The following PSPC1 variants were observed in gnomAD, a reference collection of about 807,000 sequenced individuals.
PSPC1 encodes the protein paraspeckle component 1, also known as paraspeckle protein 1.
PSPC1 carries 14 observed loss-of-function variants against 51.6 expected under a neutral mutation model. The observed-to-expected ratio is 0.27, with a 90% CI of 0.18 to 0.42. The LOEUF is 0.42. Ranked by LOEUF, PSPC1 falls within the 10% of genes least tolerant of loss-of-function variation. The pLI, the probability that PSPC1 is intolerant of heterozygous loss-of-function variation, is 1.00. For missense variants in PSPC1, 406 were observed against 701.1 expected (o/e 0.58, Z 4.75); for synonymous variants, 193 against 231.9 (o/e 0.83, Z 1.53).
chr13:19,756,004 A>C (rs1441389746), intron 3 of PSPC1, among the ~76,000 whole-genome samples: 1 of 152,132 alleles, frequency 6.6e-6, no homozygotes, highest in Admixed American at 6.6e-5. Flanking sequence ...TGGGAGGCCA[A>C]GGTGGGTGGA....
At chr13:19,755,494 A>C (rs1886979376) in intron 3 of PSPC1, among the ~76,000 whole-genome samples, 1 of 151,846 alleles carries the variant, frequency 6.6e-6, no homozygotes, top group South Asian at 2.1e-4. Flanking sequence ...AGGCTGAGGC[A>C]GGAGAATCAC....
chr13:19,681,818 C>T (rs1190806156), intron 6 of PSPC1, among the ~76,000 whole-genome samples: 1 of 152,186 alleles, frequency 6.6e-6, no homozygotes, highest in Non-Finnish European at 1.5e-5. Context: ...GACCACAACA[C>T]TGGCTGCTAC....
At chr13:19,705,479 G>A (rs539801044) in intron 8 of PSPC1, among the ~76,000 whole-genome samples, 183 bp downstream of exon 8, 11 of 150,128 alleles carry the variant, frequency 7.3e-5, no homozygotes, top group South Asian at 4.2e-4. Context: ...GCAATAGTGC[G>A]AGACTCTCTG....
chr13:19,760,815 C>T (rs1330725875), intron 2 of PSPC1, among the ~76,000 whole-genome samples: 3 of 151,720 alleles, frequency 2.0e-5, no homozygotes, highest in Non-Finnish European at 4.4e-5. Context: ...GGTGAAACCT[C>T]GTCTCTACTA....
At chr13:19,749,536 A>T (rs1023472974) in intron 4 of PSPC1, among the ~76,000 whole-genome samples, 5 of 151,966 alleles carry the variant, frequency 3.3e-5, no homozygotes, top group African/African-American at 1.2e-4. Context: ...CAAAAAAAAA[A>T]AAAAAAATCT....
Position 19,690,059 on chromosome 13 carries a change from G to A in PSPC1, c.1159-12236C>T, listed in dbSNP as rs190707669. 2.6e-5 allele frequency among the ~76,000 whole-genome samples: 4 copies of A among 152,268 alleles called. No homozygotes were observed. In the East Asian group the frequency reaches 7.7e-4, roughly 29 times the overall value. On this transcript the variant is annotated intron_variant and NMD_transcript_variant, in intron 6 of 7. Transcript: ENST00000471658. ...AGGGACTCTTAACATGAAAGACCAA[G>A]TCTCAAACTATTAATTACATGCTTT...
At chr13:19,750,455 C>A (rs1259855956) in intron 4 of PSPC1, among the ~76,000 whole-genome samples, 1 of 61,658 alleles carries the variant, frequency 1.6e-5, no homozygotes, top group African/African-American at 3.3e-5. Context: ...AACAAACAAA[C>A]AAAAATATAT....
Position 19,782,699 on chromosome 13 carries a change from C to A in PSPC1, c.59G>T (p.Arg20Leu), listed in dbSNP as rs1413608294. Residue 20 changes from arginine (R) to leucine (L), a missense_variant, in exon 1 of 9, where the codon CGC becomes CTC. Around this residue, in one of 5 missense-constraint regions of PSPC1, gnomAD observed 128 missense variants for 107.1 expected, o/e 1.20. Coordinates refer to ENST00000338910, the MANE Select transcript of PSPC1 (RefSeq NM_001354909.2). The surrounding 1 kb of genome is among the most constrained non-coding windows in gnomAD (Gnocchi z 4.5). ...VRIEKNPARL[R>L]ALESAVGESE... is the part of the protein sequence containing the mutation. Reference sequence around the variant, plus strand: ...CTCGCCCACCGCGGACTCCAGGGCGCGAAGGCGGGCCGGGTTTTTCTCAAT... The same window carrying A: ...CTCGCCCACCGCGGACTCCAGGGCGAGAAGGCGGGCCGGGTTTTTCTCAAT... The A allele has an allele frequency of 6.4e-7, 1 of 1,571,778 alleles. No individual in the cohort carries two copies. The highest frequency in any genetic ancestry group is 1.9e-5 in the Admixed American group (1 of 52,880).
At chr13:19,776,744 T>C (rs910117351) in intron 1 of PSPC1, among the ~76,000 whole-genome samples, 2 of 151,710 alleles carry the variant, frequency 1.3e-5, no homozygotes, top group Non-Finnish European at 2.9e-5. Flanking sequence ...CCTGACCTCA[T>C]GATACGCCTG....
intron 6 of PSPC1, among the ~76,000 whole-genome samples, chr13:19,684,346 T>G (rs534349874): frequency 6.6e-6 from 1 of 152,338 alleles, no homozygotes; most frequent in African/African-American, 2.4e-5. Flanking sequence ...GTTCAAGAAA[T>G]TATTATGAAC....
At chr13:19,759,538 A>G (rs1887417041) in intron 2 of PSPC1, 120 bp from the exon 3 acceptor site, 1 of 722,436 alleles carries the variant, frequency 1.4e-6, no homozygotes, top group Non-Finnish European at 2.3e-6. Context: ...CTTGAGAAAA[A>G]TGTCTCAGAA....
intron 6 of PSPC1, chr13:19,679,183 T>G (rs1238434200): frequency 6.6e-6 from 1 of 152,256 alleles, no homozygotes; most frequent in Non-Finnish European, 1.5e-5. Context: ...TGTATCCTTA[T>G]ATTCACCATG....
chr13:19,679,830 C>G (rs151186779), intron 6 of PSPC1, among the ~76,000 whole-genome samples: 2 of 152,202 alleles, frequency 1.3e-5, no homozygotes, highest in East Asian at 3.9e-4. Context: ...GAACCATAAA[C>G]CAAACTGGAC....
chr13:19,746,466 T>G (rs1333948551), intron 4 of PSPC1, among the ~76,000 whole-genome samples: 2 of 151,988 alleles, frequency 1.3e-5, no homozygotes, highest in African/African-American at 2.4e-5. Context: ...GGCTCACGCC[T>G]GTAATCCTGA....
intron 6 of PSPC1, among the ~76,000 whole-genome samples, chr13:19,715,147 T>C (rs891691812): frequency 5.3e-5 from 8 of 152,252 alleles, no homozygotes; most frequent in African/African-American, 1.2e-4. Context: ...GCTTATAATA[T>C]GGTAAATATT....
chr13:19,766,519 T>C (rs1888083800), intron 2 of PSPC1, among the ~76,000 whole-genome samples: 1 of 151,372 alleles, frequency 6.6e-6, no homozygotes, highest in African/African-American at 2.4e-5. Flanking sequence ...ATGGCGAAAA[T>C]ACAAAAAGTA....
intron 6 of PSPC1, among the ~76,000 whole-genome samples, chr13:19,691,837 G>T (rs1878592161): frequency 6.6e-6 from 1 of 152,044 alleles, no homozygotes; most frequent in African/African-American, 2.4e-5. Flanking sequence ...ACAATCACTT[G>T]AACCTGGGAG....
At chr13:19,728,456 AC>A (rs1883635567) in intron 6 of PSPC1, among the ~76,000 whole-genome samples, 1 of 24,652 alleles carries the variant, frequency 4.1e-5, no homozygotes, top group African/African-American at 5.5e-5. Context: ...ACACACACAC[AC>A]ACACACACAC....
chr13:19,672,178 C>G (rs529630636), downstream of PSPC1: 5 of 288,388 alleles, frequency 1.7e-5, no homozygotes, highest in Admixed American at 1.3e-4. Flanking sequence ...GAGTTTCGCT[C>G]TTGTTGCCCA....
Sources: gnomAD v4.1 joint callset for allele counts (sites outside exome capture counted in the v4.1 genomes callset) on GRCh38, gnomAD v4.1.1 for gene constraint, gnomAD v4.1.1 regional missense constraint, Gnocchi (gnomAD v3.1) non-coding constraint, MANE v1.5 for transcripts, NCBI Gene and HGNC (gene_info 2026-07-23, HGNC 2026-07-21) for gene names.